SOX5: variants seen among roughly 807,000 people sequenced by gnomAD.
The protein encoded by SOX5 is transcription factor SOX-5.
A neutral mutation model predicts 92.0 loss-of-function variants in SOX5; 9 were observed. The observed-to-expected ratio is 0.10, with a 90% CI of 0.06 to 0.17. SOX5 has a LOEUF of 0.17. Among genes scored for constraint, SOX5 ranks in the 10% least tolerant of loss-of-function variants. The probability of loss-of-function intolerance (pLI) is 1.00; values close to 1 mark genes in which losing one functional copy is unlikely to be tolerated. For synonymous variants in SOX5, 344 were observed against 336.3 expected, an observed-to-expected ratio of 1.02 and a Z score of -0.25; for missense variants, 642 against 944.5, an observed-to-expected ratio of 0.68 and a Z score of 4.20.
chr12:23,949,804 C>T, upstream of SOX5: 5 of 447,050 alleles, frequency 1.1e-5, no homozygotes, highest in South Asian at 2.1e-5. Context: ...TTCTCCCCCC[C>T]TCCTTCCCCT....
At chr12:24,069,314 G>T (rs1291041116) in intron 4 of SOX5, among the ~76,000 whole-genome samples, 2 of 152,090 alleles carry the variant, frequency 1.3e-5, no homozygotes, top group Non-Finnish European at 2.9e-5. Context: ...CAAGTTCATG[G>T]TTTTACACCA....
intron 11 of SOX5, among the ~76,000 whole-genome samples, chr12:23,554,592 T>A (rs1944788002): frequency 6.6e-6 from 1 of 152,092 alleles, no homozygotes; most frequent in African/African-American, 2.4e-5. Flanking sequence ...TCTATTTACA[T>A]TACAGAGTGA....
chr12:24,143,700 ACT>A (rs1471648576), intron 4 of SOX5, among the ~76,000 whole-genome samples: 1 of 152,120 alleles, frequency 6.6e-6, no homozygotes, highest in Non-Finnish European at 1.5e-5. Context: ...GAGAAAAATG[ACT>A]CAAAAAAATG....
At chr12:24,388,510 C>T (rs1427617115) in intron 1 of SOX5, among the ~76,000 whole-genome samples, 2 of 152,102 alleles carry the variant, frequency 1.3e-5, no homozygotes, top group Admixed American at 1.3e-4. Flanking sequence ...TTTTCTGGTT[C>T]CTTCAGGCCC....
chr12:23,815,444 C>G (rs556757111), intron 3 of SOX5, among the ~76,000 whole-genome samples: 1 of 152,094 alleles, frequency 6.6e-6, no homozygotes, highest in Non-Finnish European at 1.5e-5. Flanking sequence ...TAATCAACAC[C>G]AATAATAAAA....
intron 1 of SOX5, among the ~76,000 whole-genome samples, chr12:23,908,313 C>T (rs540034074): frequency 1.3e-5 from 2 of 152,194 alleles, no homozygotes; most frequent in African/African-American, 4.8e-5. Context: ...GAGTACTGAA[C>T]ATCAGCATCA....
chr12:24,056,425 T>C (rs1346077349), intron 4 of SOX5, among the ~76,000 whole-genome samples: 1 of 152,250 alleles, frequency 6.6e-6, no homozygotes, highest in Non-Finnish European at 1.5e-5. Flanking sequence ...AGTCAGACTA[T>C]AGTTTTCAAA....
intron 3 of SOX5, among the ~76,000 whole-genome samples, chr12:24,238,199 T>A (rs1469797388): frequency 6.6e-6 from 1 of 152,088 alleles, no homozygotes; most frequent in East Asian, 1.9e-4. Flanking sequence ...GGATTACAGA[T>A]GAAGACCCCT....
At chr12:24,324,506 GA>G (rs1950497245) in intron 2 of SOX5, among the ~76,000 whole-genome samples, 2 of 151,266 alleles carry the variant, frequency 1.3e-5, no homozygotes, top group Non-Finnish European at 1.5e-5. Flanking sequence ...TTTAAACAAA[GA>G]AAAGTTTTTG....
intron 2 of SOX5, among the ~76,000 whole-genome samples, chr12:24,311,972 T>C (rs911390043): frequency 2.0e-5 from 3 of 152,238 alleles, no homozygotes; most frequent in Non-Finnish European, 2.9e-5. Context: ...AAGAGTTTTA[T>C]GAAATTCCCT....
At chr12:24,294,385 A>G (rs1946962218) in intron 2 of SOX5, among the ~76,000 whole-genome samples, 1 of 152,098 alleles carries the variant, frequency 6.6e-6, no homozygotes, top group East Asian at 1.9e-4. Flanking sequence ...CGGTCTCAGT[A>G]ACTAATATTA....
chr12:24,397,153 C>G (rs1162382568), intron 1 of SOX5, among the ~76,000 whole-genome samples: 1 of 152,166 alleles, frequency 6.6e-6, no homozygotes, highest in East Asian at 1.9e-4. Flanking sequence ...CAGAAAAAGT[C>G]TTCTGACTTC....
chr12:23,706,212 A>T (rs941441910), intron 6 of SOX5, among the ~76,000 whole-genome samples: 2 of 152,084 alleles, frequency 1.3e-5, no homozygotes, highest in Non-Finnish European at 2.9e-5. Context: ...TCAGCCATAA[A>T]AGTAGATAAA....
rs77149198 is a variant in SOX5 at position 24,166,758 on chromosome 12, C to T, written c.-2+46585G>A. Among the ~76,000 whole-genome samples, 383 of 152,282 alleles carry T rather than the reference C, an allele frequency of 2.5e-3. 5 individuals carry two copies. Among genetic ancestry groups the T allele is most frequent in the African/African-American group, 8.6e-3 (357 of 41,556 alleles). ...GCTAATTCATTCATTTTAACGAACA[C>T]GCATTGTTTGCATGCTCTTTGTTTA... is the stretch of plus-strand genomic sequence containing the variant. On this transcript the variant is annotated intron_variant, in intron 4 of 4. Transcript: ENST00000446891.
chr12:24,298,484 A>T (rs901691564), intron 2 of SOX5, among the ~76,000 whole-genome samples: 2 of 152,176 alleles, frequency 1.3e-5, no homozygotes, highest in Admixed American at 1.3e-4. Flanking sequence ...TAATATTTTT[A>T]AAAGTTGTTT....
At chr12:24,016,128 C>T (rs1198056170) in intron 4 of SOX5, among the ~76,000 whole-genome samples, 1 of 152,100 alleles carries the variant, frequency 6.6e-6, no homozygotes, top group Non-Finnish European at 1.5e-5. Flanking sequence ...ATGCGGTGGG[C>T]AAGATTTCAC....
intron 4 of SOX5, among the ~76,000 whole-genome samples, chr12:24,182,575 T>C (rs1422540525): frequency 1.3e-5 from 2 of 152,176 alleles, no homozygotes; most frequent in East Asian, 3.8e-4. Flanking sequence ...GACTCTTTTT[T>C]TTTTTCCTTC....
intron 4 of SOX5, 137 bp downstream of exon 4, chr12:23,755,501 T>C: frequency 4.9e-6 from 3 of 618,078 alleles, no homozygotes; most frequent in Non-Finnish European, 8.3e-6. Context: ...TCCTTCAAGA[T>C]AGAAAGAAGA....
intron 3 of SOX5, among the ~76,000 whole-genome samples, chr12:23,830,380 T>C (rs561195145): frequency 2.0e-5 from 3 of 152,258 alleles, no homozygotes; most frequent in African/African-American, 7.2e-5. Flanking sequence ...AGTGACAGAC[T>C]GCATAGATGA....
Sources: allele counts gnomAD v4.1 joint callset (sites outside exome capture counted in the v4.1 genomes callset), GRCh38; gene constraint gnomAD v4.1.1; transcripts MANE v1.5; gene names NCBI Gene and HGNC (gene_info 2026-07-23, HGNC 2026-07-21).